The following CBFA2T2 variants were observed in gnomAD, a reference collection of about 807,000 sequenced individuals.
CBFA2T2 encodes the protein protein CBFA2T2.
In CBFA2T2, 11 loss-of-function variants were observed where a neutral mutation model predicts 62.2. That is an observed-to-expected ratio of 0.18 (90% CI 0.11 to 0.29). The LOEUF (loss-of-function observed/expected upper bound fraction) is 0.29. Among genes scored for constraint, CBFA2T2 ranks in the 10% least tolerant of loss-of-function variants. CBFA2T2 has a pLI of 1.00. For missense variants in CBFA2T2, 592 were observed against 774.1 expected (o/e 0.76, Z 2.79); for synonymous variants, 295 against 287.5 (o/e 1.03, Z -0.27).
chr20:33,517,614 T>C (rs938349782), intron 1 of CBFA2T2, among the ~76,000 whole-genome samples: 1 of 151,850 alleles, frequency 6.6e-6, no homozygotes, highest in African/African-American at 2.4e-5. Context: ...CATGCACAGC[T>C]TTTTTGTATT....
intron 1 of CBFA2T2, among the ~76,000 whole-genome samples, chr20:33,536,947 G>A (rs1444068813): frequency 6.6e-6 from 1 of 151,206 alleles, no homozygotes; most frequent in African/African-American, 2.4e-5. Flanking sequence ...GGGCAGAGAC[G>A]CTCCTCACTT....
intron 1 of CBFA2T2, among the ~76,000 whole-genome samples, chr20:33,578,290 G>C (rs894026081): frequency 6.6e-6 from 1 of 151,978 alleles, no homozygotes; most frequent in African/African-American, 2.4e-5. Flanking sequence ...AGTTTCCTTG[G>C]TTTTTAAAAA....
intron 1 of CBFA2T2, among the ~76,000 whole-genome samples, chr20:33,586,091 G>A (rs1407029255): frequency 2.6e-5 from 4 of 152,166 alleles, no homozygotes; most frequent in Non-Finnish European, 5.9e-5. Flanking sequence ...GTAATTTACA[G>A]TATGCAAAAG....
chr20:33,579,771 T>C (rs972477215), intron 1 of CBFA2T2, among the ~76,000 whole-genome samples: 2 of 152,070 alleles, frequency 1.3e-5, no homozygotes, highest in African/African-American at 4.8e-5. Flanking sequence ...CCTGAACATA[T>C]TATACAGACA....
Position 33,623,207 on chromosome 20 carries a change from TCTG to T in CBFA2T2, c.606_608del (p.Leu203del), listed in dbSNP as rs1465381224. 1 of 1,614,182 alleles carries T rather than the reference TCTG, an allele frequency of 6.2e-7. No individual in the cohort carries two copies. Among genetic ancestry groups the T allele is most frequent in the Non-Finnish European group, 8.5e-7 (1 of 1,180,020 alleles). ...AGTACCTGGCTCAGCACGAACACCT[TCTG>T]CTCAACACAAGCATTGCATCGCCTG... On this transcript the variant is annotated inframe_deletion, in exon 5 of 11. Transcript: ENST00000342704.
At position 33,619,430 on chromosome 20, in the gene CBFA2T2, A is replaced by AT. The variant is rs562275813; in HGVS notation, c.421-85dup. On this transcript the variant is annotated intron_variant, in intron 3 of 10. Coordinates refer to ENST00000342704, the MANE Select transcript of CBFA2T2 (RefSeq NM_001032999.3). ...TCAAATAAATAAATAAATAAATAAC[A>AT]TTAAAAAAAAAAAAAAAGAAGAGTT... is the stretch of plus-strand genomic sequence containing the variant. The AT allele has an allele frequency of 8.3e-4, 554 of 664,332 alleles. 1 individual carries two copies. In the African/African-American group the frequency reaches 9.3e-3, roughly 11 times the overall value. 41.2% of individuals were successfully genotyped at this position (664,332 alleles called of 1,614,324 possible). A position where few individuals can be genotyped will look rare whatever the true frequency, so the allele number is the denominator to read the frequency against.
chr20:33,572,238 G>C (rs781109645), intron 1 of CBFA2T2, among the ~76,000 whole-genome samples: 3 of 152,108 alleles, frequency 2.0e-5, no homozygotes, highest in Non-Finnish European at 2.9e-5. Context: ...ATTATACTGG[G>C]CTTATAAGTA....
rs528820309 is a variant in CBFA2T2 at position 33,628,624 on chromosome 20, G to A, written c.1032+189G>A. 3.9e-4 allele frequency among the ~76,000 whole-genome samples: 59 copies of A among 152,140 alleles called. 1 individual carries two copies. Among genetic ancestry groups the A allele is most frequent in the African/African-American group, 1.3e-3 (52 of 41,508 alleles). ...GCTGGGATTACAGGTGTACGCCACC[G>A]TGCCTGGCTAATTTTTGTATTTTTA... On this transcript the variant is annotated intron_variant, in intron 7 of 10. Coordinates refer to ENST00000342704, the MANE Select transcript of CBFA2T2 (RefSeq NM_001032999.3).
chr20:33,529,441 C>T (rs2011982714), intron 1 of CBFA2T2, among the ~76,000 whole-genome samples: 1 of 152,086 alleles, frequency 6.6e-6, no homozygotes, highest in African/African-American at 2.4e-5. Context: ...TTCCATCCCT[C>T]TTTCCTTTAC....
At chr20:33,580,104 A>G (rs894241954) in intron 1 of CBFA2T2, among the ~76,000 whole-genome samples, 1 of 152,092 alleles carries the variant, frequency 6.6e-6, no homozygotes, top group Admixed American at 6.6e-5. Flanking sequence ...GGTGTGAGCC[A>G]CTGCGCCTGG....
At chr20:33,491,773 C>T (rs2011148213) in intron 1 of CBFA2T2, among the ~76,000 whole-genome samples, 1 of 151,822 alleles carries the variant, frequency 6.6e-6, no homozygotes, top group Non-Finnish European at 1.5e-5. Flanking sequence ...GTGATCTTGG[C>T]TCACTGCAAC....
chr20:33,611,236 C>T lies in CBFA2T2; in HGVS notation c.321C>T (p.Leu107=). 1.9e-6 allele frequency: 3 copies of T among 1,614,176 alleles called. No individual in the cohort carries two copies. The highest frequency in any genetic ancestry group is 2.5e-6 in the Non-Finnish European group (3 of 1,180,036). Residue 107 remains leucine, a synonymous_variant, in exon 3 of 11, where the codon CTC becomes CTT. Coordinates refer to ENST00000342704, the MANE Select transcript of CBFA2T2 (RefSeq NM_001032999.3). ...QLPATCGARQ[L]SKLKRFLTTL... is the part of the protein sequence containing the mutation. Reference sequence around the variant, plus strand: ...CAGCCACTTGTGGTGCTCGACAACTCAGCAAGTTGAAACGCTTTCTTACCA... The same window carrying T: ...CAGCCACTTGTGGTGCTCGACAACTTAGCAAGTTGAAACGCTTTCTTACCA...
intron 1 of CBFA2T2, among the ~76,000 whole-genome samples, chr20:33,541,285 G>A (rs1274520418): frequency 6.6e-6 from 1 of 152,228 alleles, no homozygotes; most frequent in Non-Finnish European, 1.5e-5. Flanking sequence ...TTGTTCAGAG[G>A]TCAAGTGATT....
chr20:33,528,536 T>G (rs2011950164), intron 1 of CBFA2T2, among the ~76,000 whole-genome samples: 1 of 152,202 alleles, frequency 6.6e-6, no homozygotes, highest in South Asian at 2.1e-4. Context: ...GAGGGCTTTA[T>G]TATCAGCCTT....
chr20:33,627,772 G>A (rs2016296609), intron 6 of CBFA2T2, among the ~76,000 whole-genome samples: 1 of 152,204 alleles, frequency 6.6e-6, no homozygotes, highest in African/African-American at 2.4e-5. Context: ...CAGGGGTGTT[G>A]TGTTAATGAC....
At chr20:33,579,120 T>TTG (rs1568830434) in intron 1 of CBFA2T2, among the ~76,000 whole-genome samples, 1 of 151,160 alleles carries the variant, frequency 6.6e-6, no homozygotes, top group African/African-American at 2.4e-5. Flanking sequence ...TTTTTGTTTT[T>TTG]TTTTTTTTTT....
intron 1 of CBFA2T2, among the ~76,000 whole-genome samples, chr20:33,557,472 G>A (rs1353259490): frequency 6.6e-6 from 1 of 152,130 alleles, no homozygotes; most frequent in African/African-American, 2.4e-5. Flanking sequence ...GCTAGGAAGT[G>A]TATGTATGAA....
chr20:33,490,946 C>T (rs1303989620), intron 1 of CBFA2T2, among the ~76,000 whole-genome samples: 1 of 152,240 alleles, frequency 6.6e-6, no homozygotes, highest in Admixed American at 6.5e-5. Flanking sequence ...CTTTATTAAT[C>T]TGATCCAGTG....
In CBFA2T2 at chr20:33,490,158, C is replaced by G; in HGVS notation, c.-110C>G. ...TCTGGTTAGCTCGGCGGCTGCAGAT[C>G]TCGCGGCGACGCCTGCGAGGGACCC... is the stretch of plus-strand genomic sequence containing the variant. On this transcript the variant is annotated 5_prime_UTR_variant, in exon 1 of 11. In the 5' UTR this introduces an upstream ATG that the reference lacks. Transcript: ENST00000342704. The G allele has an allele frequency of 9.0e-7, 1 of 1,112,168 alleles. No individual in the cohort carries two copies. The highest frequency in any genetic ancestry group is 1.1e-6 in the Non-Finnish European group (1 of 891,812). 68.9% of individuals were successfully genotyped at this position (1,112,168 alleles called of 1,614,324 possible).
Sources: gnomAD v4.1 joint callset for allele counts (sites outside exome capture counted in the v4.1 genomes callset) on GRCh38, gnomAD v4.1.1 for gene constraint, MANE v1.5 for transcripts, NCBI Gene and HGNC (gene_info 2026-07-23, HGNC 2026-07-21) for gene names.